Variants in PDE4D observed in about 807,000 individuals in gnomAD.
The protein encoded by PDE4D is phosphodiesterase 4D, also known as 3',5'-cyclic-AMP phosphodiesterase 4D.
PDE4D carries 24 observed loss-of-function variants against 87.4 expected under a neutral mutation model. That is an observed-to-expected ratio of 0.27 (90% CI 0.20 to 0.39). The LOEUF is 0.39. PDE4D is among the 10% of genes least tolerant of loss of function. The pLI is 1.00. For missense variants in PDE4D, 714 were observed against 1,041.0 expected (o/e 0.69, Z 4.32); for synonymous variants, 384 against 383.2 (o/e 1.00, Z -0.02).
At chr5:59,196,794 A>G (rs1745548526) in intron 2 of PDE4D, among the ~76,000 whole-genome samples, 1 of 152,168 alleles carries the variant, frequency 6.6e-6, no homozygotes, top group South Asian at 2.1e-4. Flanking sequence ...AAGATAGTTC[A>G]ATGGTTTCTG....
chr5:60,185,238 A>G (rs1359800660), intron 2 of PDE4D, among the ~76,000 whole-genome samples: 1 of 152,106 alleles, frequency 6.6e-6, no homozygotes, highest in South Asian at 2.1e-4. Context: ...CAAGACATAA[A>G]TTCCCTATAT....
At chr5:59,694,902 T>C (rs977355873) in intron 1 of PDE4D, among the ~76,000 whole-genome samples, 6 of 152,214 alleles carry the variant, frequency 3.9e-5, no homozygotes, top group Non-Finnish European at 8.8e-5. Flanking sequence ...TAATAACTTT[T>C]GCTGAAGGAT....
intron 1 of PDE4D, among the ~76,000 whole-genome samples, chr5:59,244,628 A>T (rs953827795): frequency 2.0e-5 from 3 of 148,582 alleles, no homozygotes; most frequent in Non-Finnish European, 4.4e-5. Context: ...ATGTATGTAC[A>T]TTTACATATA....
chr5:59,768,142 G>T, intron 1 of PDE4D: 2 of 1,358,670 alleles, frequency 1.5e-6, no homozygotes, highest in Non-Finnish European at 2.0e-6. Flanking sequence ...CCCCGGTGAG[G>T]AATGATGATG....
chr5:60,506,721 A>T (rs1248972450), intron 1 of PDE4D, among the ~76,000 whole-genome samples: 2 of 152,170 alleles, frequency 1.3e-5, no homozygotes, highest in African/African-American at 4.8e-5. Flanking sequence ...CTTGTAATTG[A>T]ATTAACGTGA....
At chr5:59,408,928 C>T (rs2153619261) in intron 1 of PDE4D, among the ~76,000 whole-genome samples, 1 of 152,160 alleles carries the variant, frequency 6.6e-6, no homozygotes, top group Non-Finnish European at 1.5e-5. Flanking sequence ...AGGTGAATCA[C>T]CTGAGGTCAG....
intron 1 of PDE4D, among the ~76,000 whole-genome samples, chr5:59,264,175 C>T (rs1762473458): frequency 6.6e-6 from 1 of 151,950 alleles, no homozygotes; most frequent in South Asian, 2.1e-4. Context: ...CACTATGTCC[C>T]TCTTCTGTCT....
rs527799266 is a variant in PDE4D, at chr5:59,856,270, C to T, written c.455+36898G>A. Among the ~76,000 whole-genome samples the T allele has an allele frequency of 1.5e-4, 23 of 152,208 alleles. No homozygotes were observed. The South Asian group carries it at 4.6e-3, about 30-fold the overall frequency. ...TACACACAGACATGGTTTTGCTCTT[C>T]CAGCTTACTGAGCCATTCTGATGTT... On this transcript the variant is annotated intron_variant, in intron 1 of 14. Coordinates refer to ENST00000340635, the MANE Select transcript of PDE4D (RefSeq NM_001104631.2).
At chr5:59,898,430 T>C (rs960793364), upstream of PDE4D, among the ~76,000 whole-genome samples, 2 of 152,188 alleles carry the variant, frequency 1.3e-5, no homozygotes, top group African/African-American at 4.8e-5. Flanking sequence ...AGAGATATAC[T>C]GATGCGGATA....
intron 2 of PDE4D, among the ~76,000 whole-genome samples, chr5:60,068,554 C>T (rs1255696261): frequency 6.6e-6 from 1 of 151,546 alleles, no homozygotes; most frequent in Admixed American, 6.6e-5. Flanking sequence ...TGTAAGTGTC[C>T]TTTTCACTCT....
chr5:59,839,945 A>G (rs1742718952), intron 1 of PDE4D, among the ~76,000 whole-genome samples: 1 of 152,068 alleles, frequency 6.6e-6, no homozygotes, highest in South Asian at 2.1e-4. Context: ...ATGGGTATTG[A>G]AATACTGTCA....
intron 1 of PDE4D, among the ~76,000 whole-genome samples, chr5:59,797,372 C>T (rs7707756): frequency 0.025 from 3,810 of 152,260 alleles, 134 homozygotes; most frequent in African/African-American, 0.077. Context: ...ACAAGAGTGC[C>T]ACCACATGCA....
At chr5:59,587,996 TA>T (rs1199187289) in intron 1 of PDE4D, among the ~76,000 whole-genome samples, 1 of 150,860 alleles carries the variant, frequency 6.6e-6, no homozygotes. Context: ...TTTCACTCCT[TA>T]AAAAAAAAGC....
At chr5:60,171,947 T>G (rs1783471089) in intron 2 of PDE4D, among the ~76,000 whole-genome samples, 1 of 151,698 alleles carries the variant, frequency 6.6e-6, no homozygotes, top group South Asian at 2.1e-4. Context: ...ATTCTCTTAT[T>G]TCAAATATGT....
chr5:60,109,183 A>G (rs1278978236), intron 2 of PDE4D, among the ~76,000 whole-genome samples: 1 of 152,136 alleles, frequency 6.6e-6, no homozygotes, highest in Non-Finnish European at 1.5e-5. Flanking sequence ...AAACAACCCC[A>G]TCAAAAAGTG....
intron 2 of PDE4D, among the ~76,000 whole-genome samples, chr5:60,039,349 A>G (rs903777622): frequency 1.3e-5 from 2 of 150,844 alleles, no homozygotes; most frequent in Non-Finnish European, 3.0e-5. Flanking sequence ...AAAACCAAAC[A>G]CCGCATATTC....
chr5:59,778,644 A>G (rs1157347973), intron 1 of PDE4D, among the ~76,000 whole-genome samples: 1 of 152,184 alleles, frequency 6.6e-6, no homozygotes. Flanking sequence ...CCCTGGTGAA[A>G]ACACTTCAGT....
intron 11 of PDE4D, among the ~76,000 whole-genome samples, chr5:58,978,499 G>A (rs977520315): frequency 3.3e-5 from 5 of 152,062 alleles, no homozygotes; most frequent in Admixed American, 1.3e-4. Context: ...AATATATAAC[G>A]AATGCATAGA....
chr5:59,712,393 CATATATATATATATAT>C (rs5868190), intron 1 of PDE4D, among the ~76,000 whole-genome samples: 109 of 122,592 alleles, frequency 8.9e-4, no homozygotes, highest in African/African-American at 2.8e-3. Context: ...TAATATTATT[CATATATATATATATAT>C]ATATATATAT....
Sources: gnomAD v4.1 joint callset for allele counts (sites outside exome capture counted in the v4.1 genomes callset) on GRCh38, gnomAD v4.1.1 for gene constraint, MANE v1.5 for transcripts, NCBI Gene and HGNC (gene_info 2026-07-23, HGNC 2026-07-21) for gene names.